SAMD11: variants seen among roughly 807,000 people sequenced by gnomAD.
The protein encoded by SAMD11 is sterile alpha motif domain-containing protein 11.
SAMD11 carries 77 observed loss-of-function variants against 64.4 expected under a neutral mutation model. The ratio of observed to expected loss-of-function variants is 1.20; its 90% CI spans 0.99 to 1.44. The LOEUF is 1.44. Ranked by LOEUF, SAMD11 falls within the 40% of genes most tolerant of loss-of-function variation. The pLI is 0.00. For missense variants in SAMD11, 1,402 were observed against 943.3 expected, an observed-to-expected ratio of 1.49 and a Z score of -6.37; for synonymous variants, 658 against 421.9, an observed-to-expected ratio of 1.56 and a Z score of -6.86.
In SAMD11 at chr1:924,041, C is replaced by G. The variant is rs1276145993; in HGVS notation, c.-391C>G. On this transcript the variant is annotated 5_prime_UTR_variant, in exon 1 of 14. Transcript: ENST00000616016. Reference sequence around the variant, plus strand: ...GGGACCCCCGAGAGGGGCGGGGACTCCGCGACTCCTCGCTGCCGGGCTCGG... The same window carrying G: ...GGGACCCCCGAGAGGGGCGGGGACTGCGCGACTCCTCGCTGCCGGGCTCGG... The G allele has an allele frequency of 5.3e-5, 8 of 150,100 alleles. No individual in the cohort carries two copies. The highest frequency in any genetic ancestry group is 1.2e-4 in the Non-Finnish European group (8 of 67,242). The allele number at this position is 150,100 out of a possible 1,614,324, so 9.3% of individuals were successfully genotyped here.
At position 936,076 on chromosome 1, in the gene SAMD11, G is replaced by A. The variant is rs561977490; in HGVS notation, c.967+180G>A. Among the ~76,000 whole-genome samples the A allele has an allele frequency of 5.3e-5, 8 of 152,370 alleles. No individual in the cohort carries two copies. In the South Asian group the frequency reaches 1.7e-3, roughly 32 times the overall value. ...TCCCAGCCAGCGGGGCAGACAGGAGGCAGAGGCGGTGGCTCCGCTGTGGCT... is the reference window on the plus strand; with the variant it reads ...TCCCAGCCAGCGGGGCAGACAGGAGACAGAGGCGGTGGCTCCGCTGTGGCT... On this transcript the variant is annotated intron_variant, in intron 5 of 13. Coordinates refer to ENST00000616016, the MANE Select transcript of SAMD11 (RefSeq NM_001385641.1).
chr1:942,492 G>A lies in SAMD11; in HGVS notation c.1553+4G>A, dbSNP rs1339522436. 2.0e-6 allele frequency: 3 copies of A among 1,468,398 alleles called. No individual in the cohort carries two copies. Among genetic ancestry groups the A allele is most frequent in the East Asian group, 3.0e-5 (1 of 33,506 alleles). 91.0% of individuals were successfully genotyped at this position (1,468,398 alleles called of 1,614,324 possible). ...TGCGGAAGCAGAACCTGGCCCGGTAGGTGCGGGGAGGCGGGCGGGGCCGCG... is the reference window on the plus strand; with the variant it reads ...TGCGGAAGCAGAACCTGGCCCGGTAAGTGCGGGGAGGCGGGCGGGGCCGCG... On this transcript the variant is annotated splice_donor_region_variant and intron_variant, in intron 10 of 13. Transcript: ENST00000616016.
At position 942,441 on chromosome 1, in the gene SAMD11, G is replaced by A. The variant is rs1173150822; in HGVS notation, c.1506G>A (p.Glu502=). 4 of 1,488,432 alleles carry A rather than the reference G, an allele frequency of 2.7e-6. No individual in the cohort carries two copies. Among genetic ancestry groups the A allele is most frequent in the Non-Finnish European group, 1.8e-6 (2 of 1,125,584 alleles). 92.2% of individuals were successfully genotyped at this position (1,488,432 alleles called of 1,614,324 possible). The part of the protein sequence containing the change: ...GYGFLPPAQA[E]MFAWQQELLR... The stretch of plus-strand genomic sequence containing the variant: ...GCTTCCTGCCCCCCGCGCAGGCGGA[G>A]ATGTTCGCCTGGCAGCAGGAGCTCC... The change falls in exon 10 of 14, where the codon GAG becomes GAA. Residue 502 remains glutamate (E), a synonymous_variant. Transcript: ENST00000616016.
intron 7 of SAMD11, among the ~76,000 whole-genome samples, chr1:939,625 C>T (rs867971974): frequency 2.2e-4 from 34 of 152,174 alleles, no homozygotes; most frequent in African/African-American, 7.0e-4. Context: ...ACCTCCATGT[C>T]CCCTAGGTCC....
Position 943,895 on chromosome 1 carries a change from C to T in SAMD11, c.2290-13C>T. 1 of 1,612,970 alleles carries T rather than the reference C, an allele frequency of 6.2e-7. No homozygotes were observed. Among genetic ancestry groups the T allele is most frequent in the Non-Finnish European group, 8.5e-7 (1 of 1,179,976 alleles). ...GGGTGTGCGACAGCCCCCACCAGGCCATCTCTCTGCAGGTGGCCAGGCGCC... is the reference window on the plus strand; with the variant it reads ...GGGTGTGCGACAGCCCCCACCAGGCTATCTCTCTGCAGGTGGCCAGGCGCC... On this transcript the variant is annotated splice_polypyrimidine_tract_variant and intron_variant, in intron 13 of 13. Transcript: ENST00000616016.
intron 9 of SAMD11, 33 bp downstream of exon 9, chr1:942,284 C>T (rs1366588173): frequency 9.7e-7 from 1 of 1,035,180 alleles, no homozygotes; most frequent in East Asian, 3.2e-5. Context: ...CCTGGGAGCC[C>T]GCGTGGAGGC....
chr1:930,926 G>T lies in SAMD11; in HGVS notation c.792-113G>T, dbSNP rs1037572848. On this transcript the variant is annotated intron_variant, in intron 3 of 13. Transcript: ENST00000616016. ...CAGCCGCCCTCGTTCACTGCCCAGG[G>T]CTGTGGCCCAGCGGGGCACTGACCC... 25 of 1,034,572 alleles carry T rather than the reference G, an allele frequency of 2.4e-5. No individual in the cohort carries two copies. The African/African-American group carries it at 3.4e-4, about 14-fold the overall frequency. 64.1% of individuals were successfully genotyped at this position (1,034,572 alleles called of 1,614,324 possible).
At chr1:928,124 T>C (rs1304189286) in intron 2 of SAMD11, among the ~76,000 whole-genome samples, 9 of 152,224 alleles carry the variant, frequency 5.9e-5, no homozygotes, top group African/African-American at 2.2e-4. Flanking sequence ...CCGGGTGTGG[T>C]GGCGCATGCC....
intron 3 of SAMD11, 49 bp from the exon 4 acceptor site, chr1:930,990 G>T: frequency 1.3e-6 from 2 of 1,580,134 alleles, no homozygotes; most frequent in Non-Finnish European, 8.7e-7. Flanking sequence ...CTGAGGCTGG[G>T]GTCAGGGGCC....
intron 12 of SAMD11, 88 bp downstream of exon 12, chr1:943,465 C>G: frequency 1.7e-6 from 2 of 1,179,176 alleles, no homozygotes; most frequent in Non-Finnish European, 2.4e-6. Flanking sequence ...TAGGGCCATT[C>G]CCCAACGCCC....
chr1:940,820 G>T (rs71628924), intron 7 of SAMD11, among the ~76,000 whole-genome samples: 1 of 152,156 alleles, frequency 6.6e-6, no homozygotes, highest in Non-Finnish European at 1.5e-5. Flanking sequence ...GGACTCTCTC[G>T]CTGCCCCGCA....
chr1:944,405 T>C lies in SAMD11; in HGVS notation c.*252T>C. ...GGAAGGGGCCAGGGGCCTGCAGGCC[T>C]CCCCCTGGAACTGGGACTGGTCTCG... is the stretch of plus-strand genomic sequence containing the variant. On this transcript the variant is annotated 3_prime_UTR_variant, in exon 14 of 14. Coordinates refer to ENST00000616016, the MANE Select transcript of SAMD11 (RefSeq NM_001385641.1). 6.8e-6 allele frequency: 8 copies of C among 1,184,968 alleles called. No homozygotes were observed. In the Admixed American group the frequency reaches 1.5e-4, roughly 22 times the overall value. The allele number at this position is 1,184,968 out of a possible 1,614,324, so 73.4% of individuals were successfully genotyped here. A position where few individuals can be genotyped will look rare whatever the true frequency, so the allele number is the denominator to read the frequency against.
chr1:941,014 A>T (rs1641731894), intron 7 of SAMD11, 130 bp from the exon 8 acceptor site: 2 of 776,414 alleles, frequency 2.6e-6, no homozygotes, highest in South Asian at 1.9e-5. Context: ...CGTGCCCGAG[A>T]CCAGCCCAGG....
In SAMD11 at chr1:931,032, C is replaced by T. The variant is rs770116036; in HGVS notation, c.792-7C>T. On this transcript the variant is annotated splice_polypyrimidine_tract_variant and splice_region_variant and intron_variant, in intron 3 of 13. Transcript: ENST00000616016. ...GCAACATGGACCTTCTGCTTCCCTT[C>T]CTGCAGAGTCCACACCCACTGGGAC... 6.2e-7 allele frequency: 1 copy of T among 1,612,394 alleles called. No individual in the cohort carries two copies. Among genetic ancestry groups the T allele is most frequent in the African/African-American group, 1.3e-5 (1 of 75,054 alleles).
intron 2 of SAMD11, among the ~76,000 whole-genome samples, chr1:928,014 G>T (rs1036773304): frequency 1.3e-5 from 2 of 152,236 alleles, no homozygotes; most frequent in Non-Finnish European, 2.9e-5. Context: ...CTTCCAAGGG[G>T]CAGTCTTCTG....
chr1:942,669 A>G lies in SAMD11; in HGVS notation c.1664A>G (p.Gln555Arg). The part of the protein sequence containing the change: ...LRPNDGAEEL[Q>R]RRGALLVLNH... ...CCCAACGACGGCGCCGAGGAGCTGC[A>G]GCGGCGCGGGGCCCTGCTGGTGCTG... The change falls in exon 11 of 14, where the codon CAG becomes CGG. Residue 555 changes from glutamine (Q) to arginine (R), a missense_variant. Transcript: ENST00000616016. The G allele has an allele frequency of 7.0e-7, 1 of 1,431,680 alleles. No individual in the cohort carries two copies. The highest frequency in any genetic ancestry group is 9.1e-7 in the Non-Finnish European group (1 of 1,100,528). 88.7% of individuals were successfully genotyped at this position (1,431,680 alleles called of 1,614,324 possible).
At chr1:931,135 T>TGGCCCCC in intron 4 of SAMD11, 46 bp downstream of exon 4, 5 of 1,445,478 alleles carry the variant, frequency 3.5e-6, no homozygotes, top group Admixed American at 1.8e-5. Flanking sequence ...GTGACTCCCC[T>TGGCCCCC]CCCTCCCTCC....
intron 1 of SAMD11, chr1:925,640 C>T (rs1229002786): frequency 1.1e-5 from 4 of 349,816 alleles, no homozygotes; most frequent in South Asian, 6.3e-5. Flanking sequence ...TCCCTCGGGG[C>T]CGGGGAGAGG....
At chr1:937,281 G>A (rs924227747) in intron 5 of SAMD11, among the ~76,000 whole-genome samples, 13 of 152,116 alleles carry the variant, frequency 8.5e-5, no homozygotes, top group Non-Finnish European at 1.2e-4. Context: ...GGGCTGTGAG[G>A]GACTCAGAGC....
Sources: allele counts gnomAD v4.1 joint callset (sites outside exome capture counted in the v4.1 genomes callset), GRCh38; gene constraint gnomAD v4.1.1; transcripts MANE v1.5; gene names NCBI Gene and HGNC (gene_info 2026-07-23, HGNC 2026-07-21).